CDH18: variants seen among roughly 807,000 people sequenced by gnomAD.
CDH18 encodes cadherin-18.
A neutral mutation model predicts 67.9 loss-of-function variants in CDH18; 31 were observed. That is an observed-to-expected ratio of 0.46 (90% CI 0.34 to 0.62). The LOEUF (loss-of-function observed/expected upper bound fraction) is 0.62. Among genes scored for constraint, CDH18 ranks in the 20% least tolerant of loss-of-function variants. CDH18 has a pLI of 0.01. For missense variants in CDH18, 890 were observed against 975.5 expected, an observed-to-expected ratio of 0.91 and a Z score of 1.17; for synonymous variants, 362 against 347.2, an observed-to-expected ratio of 1.04 and a Z score of -0.48.
chr5:20,453,664 C>T (rs1291114454), intron 1 of CDH18, among the ~76,000 whole-genome samples: 7 of 151,588 alleles, frequency 4.6e-5, no homozygotes, highest in Admixed American at 1.3e-4. Context: ...TGTTGTCTTT[C>T]ACTGTGAGGA....
intron 1 of CDH18, among the ~76,000 whole-genome samples, chr5:20,393,862 C>G (rs1463729293): frequency 6.6e-6 from 1 of 151,864 alleles, no homozygotes; most frequent in African/African-American, 2.4e-5. Context: ...GGTAAAAGAT[C>G]TCTACAAGGA....
At chr5:19,974,282 A>C (rs1302303695) in intron 2 of CDH18, among the ~76,000 whole-genome samples, 1 of 151,938 alleles carries the variant, frequency 6.6e-6, no homozygotes, top group Non-Finnish European at 1.5e-5. Context: ...GGAAGTTTCC[A>C]CCAATTTGGG....
chr5:20,082,928 T>C (rs188077933), intron 2 of CDH18, among the ~76,000 whole-genome samples: 64 of 152,320 alleles, frequency 4.2e-4, no homozygotes, highest in Non-Finnish European at 8.1e-4. Flanking sequence ...GATTTTGGAC[T>C]TGTACCCTTT....
chr5:20,534,415 G>C (rs1387865328), intron 1 of CDH18, among the ~76,000 whole-genome samples: 2 of 151,960 alleles, frequency 1.3e-5, no homozygotes, highest in Admixed American at 6.6e-5. Context: ...TTTTTGAAAT[G>C]AAATGAATAT....
chr5:19,557,488 T>C (rs1281372620), intron 8 of CDH18, among the ~76,000 whole-genome samples: 1 of 152,008 alleles, frequency 6.6e-6, no homozygotes, highest in Non-Finnish European at 1.5e-5. Context: ...GTAGCTATTC[T>C]TATATCAGAG....
chr5:20,251,595 A>G (rs1378473912), intron 2 of CDH18, among the ~76,000 whole-genome samples: 2 of 152,194 alleles, frequency 1.3e-5, no homozygotes, highest in African/African-American at 4.8e-5. Flanking sequence ...TTGTAATGTA[A>G]TCAAGGTTGG....
intron 1 of CDH18, among the ~76,000 whole-genome samples, chr5:20,471,115 T>C (rs62355176): frequency 0.12 from 18,420 of 152,202 alleles, 2,028 homozygotes; most frequent in African/African-American, 0.3. Context: ...TCCTGTACTC[T>C]ATTGAATCTA....
chr5:20,547,333 T>G (rs12516337), intron 1 of CDH18, among the ~76,000 whole-genome samples: 1 of 151,678 alleles, frequency 6.6e-6, no homozygotes, highest in Non-Finnish European at 1.5e-5. Flanking sequence ...GAGGCCGAGT[T>G]GGGCGGATCA....
intron 2 of CDH18, among the ~76,000 whole-genome samples, chr5:20,076,880 GAA>G (rs1460467310): frequency 1.3e-5 from 2 of 151,664 alleles, no homozygotes; most frequent in African/African-American, 2.4e-5. Context: ...AGAGATTTTT[GAA>G]ACTAATAAAT....
chr5:19,919,119 A>G (rs146923267), intron 2 of CDH18, among the ~76,000 whole-genome samples: 155 of 152,088 alleles, frequency 1.0e-3, no homozygotes, highest in Non-Finnish European at 1.9e-3. Flanking sequence ...AAGGGTTCAG[A>G]GAGATTCCAG....
chr5:20,423,070 C>T (rs959516645), intron 1 of CDH18, among the ~76,000 whole-genome samples: 1 of 151,080 alleles, frequency 6.6e-6, no homozygotes, highest in African/African-American at 2.5e-5. Context: ...ACACTAAGCA[C>T]AGATAAAGCA....
At chr5:20,190,374 G>T (rs952617174) in intron 2 of CDH18, among the ~76,000 whole-genome samples, 2 of 152,054 alleles carry the variant, frequency 1.3e-5, no homozygotes, top group Non-Finnish European at 2.9e-5. Flanking sequence ...TGTAATGAAT[G>T]ATCTGCTTTG....
At position 20,544,301 on chromosome 5, in the gene CDH18, C is replaced by G. The variant is rs1317749982; in HGVS notation, c.-580+31161G>C. On this transcript the variant is annotated intron_variant, in intron 1 of 14. Coordinates refer to the CDH18 transcript ENST00000507958. ...AGATAGAATTCAAATGCAAATCAAG[C>G]CATGAGTTTAAAAAAAGCACACATA... Among the ~76,000 whole-genome samples, 13 of 152,008 alleles carry G rather than the reference C, an allele frequency of 8.6e-5. No homozygotes were observed. In the South Asian group the frequency reaches 2.7e-3, roughly 32 times the overall value.
At chr5:19,836,362 A>T (rs1581573830) in intron 3 of CDH18, among the ~76,000 whole-genome samples, 1 of 152,266 alleles carries the variant, frequency 6.6e-6, no homozygotes, top group East Asian at 1.9e-4. Context: ...CCGCCATTCT[A>T]CCTGGCATTA....
At chr5:20,132,793 T>A (rs183150306) in intron 2 of CDH18, among the ~76,000 whole-genome samples, 1 of 152,218 alleles carries the variant, frequency 6.6e-6, no homozygotes, top group African/African-American at 2.4e-5. Flanking sequence ...CCATTTCACT[T>A]CTTGATATGC....
intron 1 of CDH18, among the ~76,000 whole-genome samples, chr5:20,525,801 TACACACAC>T (rs61256041): frequency 0.4 from 58,892 of 148,826 alleles, 12,670 homozygotes; most frequent in East Asian, 0.52. Context: ...GCTTCCACTA[TACACACAC>T]ACACACACAC....
At chr5:19,826,239 C>G (rs937686678) in intron 3 of CDH18, among the ~76,000 whole-genome samples, 1 of 151,924 alleles carries the variant, frequency 6.6e-6, no homozygotes, top group Non-Finnish European at 1.5e-5. Flanking sequence ...TGTAAAGAGA[C>G]CAAATCTATG....
At chr5:19,528,892 C>T (rs1057271903) in intron 9 of CDH18, among the ~76,000 whole-genome samples, 1 of 151,772 alleles carries the variant, frequency 6.6e-6, no homozygotes, top group Non-Finnish European at 1.5e-5. Flanking sequence ...TGAATCCATT[C>T]TGTGCGTATA....
chr5:20,418,212 A>T (rs1245750868), intron 1 of CDH18, among the ~76,000 whole-genome samples: 2 of 133,114 alleles, frequency 1.5e-5, no homozygotes, highest in East Asian at 2.4e-4. Context: ...AGTAGCAGGG[A>T]TTACAGGTGT....
Sources: gnomAD v4.1 joint callset for allele counts (sites outside exome capture counted in the v4.1 genomes callset) on GRCh38, gnomAD v4.1.1 for gene constraint, MANE v1.5 for transcripts, NCBI Gene and HGNC (gene_info 2026-07-23, HGNC 2026-07-21) for gene names.